The following DCC variants were observed in gnomAD, a reference collection of about 807,000 sequenced individuals.
The protein encoded by DCC is DCC netrin 1 receptor, also known as netrin receptor DCC.
A neutral mutation model predicts 172.5 loss-of-function variants in DCC; 58 were observed. That is an observed-to-expected ratio of 0.34 (90% CI 0.27 to 0.42). DCC has a LOEUF of 0.42. DCC is among the 10% of genes least tolerant of loss of function. The pLI is 1.00. For missense variants in DCC, 1,740 were observed against 1,791.0 expected (o/e 0.97, Z 0.51); for synonymous variants, 709 against 644.5 (o/e 1.10, Z -1.52).
chr18:53,107,252 A>G (rs771019872), intron 7 of DCC, among the ~76,000 whole-genome samples: 7 of 151,856 alleles, frequency 4.6e-5, no homozygotes, highest in Non-Finnish European at 1.0e-4. Flanking sequence ...AGTTGTGTCA[A>G]GAACAGAAGG....
rs757409377 is a variant in DCC at position 53,435,255 on chromosome 18, A to T, written c.3229+46A>T. ...ATATTGAATTAGTTATATTAATTAAATGGTTAATTCAAGAGTGTCTGGGGC... is the reference window on the plus strand; with the variant it reads ...ATATTGAATTAGTTATATTAATTAATTGGTTAATTCAAGAGTGTCTGGGGC... On this transcript the variant is annotated intron_variant, in intron 22 of 28. Transcript: ENST00000442544. 19 of 1,303,850 alleles carry T rather than the reference A, an allele frequency of 1.5e-5. No individual in the cohort carries two copies. In the South Asian group the frequency reaches 1.9e-4, roughly 13 times the overall value. 80.8% of individuals were successfully genotyped at this position (1,303,850 alleles called of 1,614,324 possible).
At chr18:53,255,467 T>C (rs1223393201) in intron 12 of DCC, among the ~76,000 whole-genome samples, 1 of 149,612 alleles carries the variant, frequency 6.7e-6, no homozygotes. Flanking sequence ...CATGTGGTGT[T>C]TGGTTTTTTG....
At chr18:53,473,837 T>C (rs2045728163) in intron 25 of DCC, among the ~76,000 whole-genome samples, 2 of 152,174 alleles carry the variant, frequency 1.3e-5, no homozygotes, top group South Asian at 4.1e-4. Flanking sequence ...ATCTCCATTG[T>C]CTAAACATGG....
intron 1 of DCC, among the ~76,000 whole-genome samples, chr18:52,671,432 T>C (rs1206032326): frequency 6.6e-6 from 1 of 152,134 alleles, no homozygotes; most frequent in Non-Finnish European, 1.5e-5. Flanking sequence ...CTTTCCAATA[T>C]GCCTTTAAAA....
At chr18:52,544,736 A>G (rs1598902312) in intron 1 of DCC, among the ~76,000 whole-genome samples, 1 of 152,326 alleles carries the variant, frequency 6.6e-6, no homozygotes, top group African/African-American at 2.4e-5. Flanking sequence ...AGATATAGAT[A>G]GATAGATGGA....
chr18:53,372,121 C>T (rs2058064989), intron 15 of DCC, among the ~76,000 whole-genome samples: 1 of 152,044 alleles, frequency 6.6e-6, no homozygotes, highest in Admixed American at 6.6e-5. Context: ...GAAATATACA[C>T]AAAGAAATAT....
chr18:52,470,714 A>C (rs781184344), intron 1 of DCC, among the ~76,000 whole-genome samples: 10 of 152,212 alleles, frequency 6.6e-5, no homozygotes, highest in Non-Finnish European at 1.3e-4. Context: ...CACACAAAAT[A>C]AACATTCCCT....
At chr18:52,632,508 C>T (rs1465330209) in intron 1 of DCC, among the ~76,000 whole-genome samples, 2 of 152,218 alleles carry the variant, frequency 1.3e-5, no homozygotes, top group African/African-American at 4.8e-5. Flanking sequence ...ATTTGGGAAA[C>T]ACCTTGACAT....
At position 52,524,792 on chromosome 18, in the gene DCC, C is replaced by T. The variant is rs538959030; in HGVS notation, c.91+183914C>T. 2.6e-5 allele frequency among the ~76,000 whole-genome samples: 4 copies of T among 152,156 alleles called. No individual in the cohort carries two copies. In the East Asian group the frequency reaches 7.7e-4, roughly 29 times the overall value. ...GTGGGAGAGGTAGGAAAGAAAAGAG[C>T]ATATTTTTCTAATTAGCAGTTCTAT... is the stretch of plus-strand genomic sequence containing the variant. On this transcript the variant is annotated intron_variant, in intron 1 of 28. Transcript: ENST00000442544.
Position 53,506,041 on chromosome 18 carries a change from T to G in DCC, c.4111+6531T>G, listed in dbSNP as rs370093918. Among the ~76,000 whole-genome samples, 22 of 152,314 alleles carry G rather than the reference T, an allele frequency of 1.4e-4. No homozygotes were observed. The East Asian group carries it at 1.9e-3, about 13-fold the overall frequency. On this transcript the variant is annotated intron_variant, in intron 27 of 28. Transcript: ENST00000442544. ...TTTACAGAGGACATTTCCAAATAAA[T>G]GTATATCTACCTGAGAAGTAACTTT...
intron 25 of DCC, among the ~76,000 whole-genome samples, chr18:53,468,440 T>C (rs915341770): frequency 1.3e-5 from 2 of 151,114 alleles, no homozygotes; most frequent in Non-Finnish European, 2.9e-5. Flanking sequence ...TGGAGTGCAG[T>C]GGCACAATCT....
At chr18:53,483,141 A>T (rs959620542) in intron 25 of DCC, among the ~76,000 whole-genome samples, 4 of 151,910 alleles carry the variant, frequency 2.6e-5, no homozygotes, top group Non-Finnish European at 5.9e-5. Flanking sequence ...AATTTATAAC[A>T]TTTTGGCTGG....
At chr18:52,507,446 T>C (rs2031273521) in intron 1 of DCC, among the ~76,000 whole-genome samples, 1 of 152,206 alleles carries the variant, frequency 6.6e-6, no homozygotes, top group Non-Finnish European at 1.5e-5. Flanking sequence ...AAATCATAGA[T>C]AAAAGATGGA....
At chr18:52,383,869 T>C (rs898324580) in intron 1 of DCC, among the ~76,000 whole-genome samples, 1 of 152,100 alleles carries the variant, frequency 6.6e-6, no homozygotes, top group African/African-American at 2.4e-5. Flanking sequence ...TGAATTTTTC[T>C]CTTGGTTTTT....
intron 9 of DCC, among the ~76,000 whole-genome samples, chr18:53,190,456 CTCTG>C (rs2055349032): frequency 1.0e-5 from 1 of 95,436 alleles, no homozygotes; most frequent in Admixed American, 1.4e-4. Context: ...ACACTGCTAA[CTCTG>C]TGTGTGTGTG....
chr18:52,854,813 G>C (rs1568147306), intron 2 of DCC, among the ~76,000 whole-genome samples: 1 of 152,190 alleles, frequency 6.6e-6, no homozygotes, highest in Non-Finnish European at 1.5e-5. Flanking sequence ...CATATCCAAA[G>C]GTGTTTCCAC....
chr18:53,125,976 T>C (rs8083977), intron 7 of DCC, among the ~76,000 whole-genome samples: 73,285 of 151,910 alleles, frequency 0.48, 18,292 homozygotes, highest in South Asian at 0.67. Flanking sequence ...AGTTATTGAG[T>C]GTATACAAGG....
intron 14 of DCC, among the ~76,000 whole-genome samples, chr18:53,332,982 A>G (rs1599033295): frequency 6.6e-6 from 1 of 152,000 alleles, no homozygotes; most frequent in African/African-American, 2.4e-5. Flanking sequence ...AGGTGGGAAG[A>G]TCACTTGAGT....
rs1381554559 is a variant in DCC at position 53,531,577 on chromosome 18, C to G, written c.*924C>G. On this transcript the variant is annotated 3_prime_UTR_variant, in exon 29 of 29. Coordinates refer to ENST00000442544, the MANE Select transcript of DCC (RefSeq NM_005215.4). ...CCCCACCCCTTCACCCCATCCCTCC[C>G]TGAGTTCTCCTTGGCAACTAGCGTT... is the stretch of plus-strand genomic sequence containing the variant. The G allele has an allele frequency of 6.6e-6, 1 of 152,550 alleles. No individual in the cohort carries two copies. Among genetic ancestry groups the G allele is most frequent in the African/African-American group, 2.4e-5 (1 of 41,440 alleles). 9.4% of individuals were successfully genotyped at this position (152,550 alleles called of 1,614,324 possible). A position where few individuals can be genotyped will look rare whatever the true frequency, so the allele number is the denominator to read the frequency against.
Sources: gnomAD v4.1 joint callset for allele counts (sites outside exome capture counted in the v4.1 genomes callset) on GRCh38, gnomAD v4.1.1 for gene constraint, MANE v1.5 for transcripts, NCBI Gene and HGNC (gene_info 2026-07-23, HGNC 2026-07-21) for gene names.